HYAL4: variants seen among roughly 807,000 people sequenced by gnomAD.
The protein encoded by HYAL4 is hyaluronidase 4, also known as hyaluronidase-4.
A neutral mutation model predicts 35.2 loss-of-function variants in HYAL4; 37 were observed. The ratio of observed to expected loss-of-function variants is 1.05; its 90% CI spans 0.81 to 1.38. The LOEUF is 1.38. HYAL4 is among the 40% of genes most tolerant of loss of function. The pLI is 0.00. For synonymous variants in HYAL4, 198 were observed against 203.2 expected (o/e 0.97, Z 0.22); for missense variants, 572 against 572.4 (o/e 1.00, Z 0.01).
At chr7:123,838,140 G>A (rs952176158) in intron 1 of HYAL4, among the ~76,000 whole-genome samples, 2 of 151,656 alleles carry the variant, frequency 1.3e-5, no homozygotes, top group African/African-American at 2.4e-5. Context: ...CGCCAACAGT[G>A]TAAAAGCATT....
At chr7:123,817,647 A>G in the HYAL4 span, among the ~76,000 whole-genome samples, 1 of 148,758 alleles carries the variant, frequency 6.7e-6, no homozygotes, top group Non-Finnish European at 1.5e-5. Context: ...AGTAGTTGGG[A>G]TTACAGGCGT....
intron 3 of HYAL4, among the ~76,000 whole-genome samples, chr7:123,873,842 G>A (rs1806943730): frequency 6.6e-6 from 1 of 152,116 alleles, no homozygotes; most frequent in Non-Finnish European, 1.5e-5. Context: ...GAAAATTCCA[G>A]CGACTTTACC....
the HYAL4 span, among the ~76,000 whole-genome samples, chr7:123,788,573 C>A: frequency 6.6e-6 from 1 of 152,136 alleles, no homozygotes. Flanking sequence ...ACCACTGTGT[C>A]TCTTCACATA....
the HYAL4 span, among the ~76,000 whole-genome samples, chr7:123,788,175 T>A: frequency 6.6e-6 from 1 of 152,096 alleles, no homozygotes; most frequent in African/African-American, 2.4e-5. Context: ...TTTTAAAAAT[T>A]AAGCTGGGCC....
chr7:123,829,466 A>G (rs1805849006), intron 1 of HYAL4, among the ~76,000 whole-genome samples: 1 of 152,156 alleles, frequency 6.6e-6, no homozygotes. Context: ...ATTGACTTTA[A>G]AGTAAAAAAT....
At chr7:123,772,705 G>T in the HYAL4 span, among the ~76,000 whole-genome samples, 1 of 152,156 alleles carries the variant, frequency 6.6e-6, no homozygotes, top group Non-Finnish European at 1.5e-5. Context: ...AACAGTAAAT[G>T]AAACCTGTGG....
chr7:123,795,964 C>T, the HYAL4 span, among the ~76,000 whole-genome samples: 1 of 152,142 alleles, frequency 6.6e-6, no homozygotes, highest in East Asian at 1.9e-4. Context: ...TTGACAGAGA[C>T]ACATAGGATA....
chr7:123,844,543 G>A (rs1215055702), upstream of HYAL4, among the ~76,000 whole-genome samples: 2 of 152,164 alleles, frequency 1.3e-5, no homozygotes, highest in African/African-American at 4.8e-5. Context: ...CGCGGTGCTG[G>A]GAGAACCACT....
intron 1 of HYAL4, among the ~76,000 whole-genome samples, chr7:123,839,038 C>T (rs1156937441): frequency 6.6e-6 from 1 of 151,832 alleles, no homozygotes. Flanking sequence ...GCACAACGTG[C>T]AGGTTTGGTA....
At chr7:123,763,713 G>A in the HYAL4 span, among the ~76,000 whole-genome samples, 14 of 152,358 alleles carry the variant, frequency 9.2e-5, no homozygotes, top group Middle Eastern at 3.4e-3. Flanking sequence ...TGCGAGGACT[G>A]CCAGCATGCT....
At chr7:123,766,189 T>C in the HYAL4 span, among the ~76,000 whole-genome samples, 1 of 152,190 alleles carries the variant, frequency 6.6e-6, no homozygotes. Flanking sequence ...CGCTGGCATC[T>C]TACCTATTAT....
At chr7:123,853,832 A>C (rs569985128) in intron 2 of HYAL4, among the ~76,000 whole-genome samples, 1 of 152,318 alleles carries the variant, frequency 6.6e-6, no homozygotes, top group African/African-American at 2.4e-5. Context: ...CTCTGGTAGA[A>C]TTCGGATGTG....
At chr7:123,814,674 T>C in the HYAL4 span, 1 of 152,622 alleles carries the variant, frequency 6.6e-6, no homozygotes, top group Non-Finnish European at 1.5e-5. Context: ...CGAGAGGAAT[T>C]TGAAAATGCT....
At chr7:123,829,379 A>G (rs1454151145) in intron 1 of HYAL4, 1 of 152,072 alleles carries the variant, frequency 6.6e-6, no homozygotes, top group Non-Finnish European at 1.5e-5. Flanking sequence ...CCTTACTACA[A>G]TGCCAATTTT....
At chr7:123,853,213 A>G (rs993864082) in intron 2 of HYAL4, among the ~76,000 whole-genome samples, 1 of 152,168 alleles carries the variant, frequency 6.6e-6, no homozygotes, top group African/African-American at 2.4e-5. Flanking sequence ...TCCTATGTGA[A>G]TGCTCTTTAT....
the HYAL4 span, among the ~76,000 whole-genome samples, chr7:123,810,487 C>T: frequency 6.6e-6 from 1 of 152,158 alleles, no homozygotes; most frequent in African/African-American, 2.4e-5. Context: ...GCATCTATAA[C>T]TTTCTTCATT....
intron 1 of HYAL4, among the ~76,000 whole-genome samples, chr7:123,835,949 T>C (rs1001941773): frequency 5.9e-5 from 9 of 152,234 alleles, no homozygotes; most frequent in Admixed American, 5.2e-4. Flanking sequence ...CTACTTGATA[T>C]GATTTCAATT....
At chr7:123,852,378 G>C (rs1047317672) in intron 2 of HYAL4, among the ~76,000 whole-genome samples, 24 of 152,006 alleles carry the variant, frequency 1.6e-4, no homozygotes, top group Non-Finnish European at 3.5e-4. Flanking sequence ...TTAGGTCTTA[G>C]GTTTAAGTCT....
At chr7:123,847,424 A>T (rs980357122) in intron 1 of HYAL4, among the ~76,000 whole-genome samples, 2 of 152,142 alleles carry the variant, frequency 1.3e-5, no homozygotes, top group Non-Finnish European at 2.9e-5. Flanking sequence ...GATACCTAAT[A>T]CTCTATTCAA....
Sources: allele counts gnomAD v4.1 joint callset (sites outside exome capture counted in the v4.1 genomes callset), GRCh38; gene constraint gnomAD v4.1.1; transcripts MANE v1.5; gene names NCBI Gene and HGNC (gene_info 2026-07-23, HGNC 2026-07-21).